STXBP5L: variants seen among roughly 807,000 people sequenced by gnomAD.
The protein encoded by STXBP5L is syntaxin-binding protein 5-like.
A neutral mutation model predicts 144.5 loss-of-function variants in STXBP5L; 65 were observed. The observed-to-expected ratio is 0.45, with a 90% confidence interval of 0.37 to 0.55. The LOEUF (loss-of-function observed/expected upper bound fraction) is 0.55, where lower values mean the gene tolerates loss of function less well. Among genes scored for constraint, STXBP5L ranks in the 20% least tolerant of loss-of-function variants. The pLI is 0.00. For synonymous variants in STXBP5L, 505 were observed against 469.6 expected, an observed-to-expected ratio of 1.08 and a Z score of -0.97; for missense variants, 1,298 against 1,405.5, an observed-to-expected ratio of 0.92 and a Z score of 1.22.
intron 2 of STXBP5L, among the ~76,000 whole-genome samples, chr3:120,946,654 C>T (rs573218732): frequency 1.3e-5 from 2 of 151,682 alleles, no homozygotes; most frequent in African/African-American, 4.8e-5. Context: ...CAGTATTAAG[C>T]CTGAACAATC....
chr3:121,193,549 A>G (rs1034927854), intron 9 of STXBP5L, among the ~76,000 whole-genome samples: 10 of 152,200 alleles, frequency 6.6e-5, no homozygotes, highest in Admixed American at 3.9e-4. Flanking sequence ...ACTACTCACA[A>G]TAGCAAAAAC....
chr3:121,312,352 G>T (rs111450193), intron 19 of STXBP5L, among the ~76,000 whole-genome samples: 2 of 116,628 alleles, frequency 1.7e-5, no homozygotes, highest in Admixed American at 9.7e-5. Flanking sequence ...TGGGATCTAA[G>T]TAAACTAAAG....
intron 2 of STXBP5L, among the ~76,000 whole-genome samples, chr3:120,927,038 C>T (rs560027011): frequency 1.1e-4 from 16 of 151,608 alleles, no homozygotes; most frequent in South Asian, 2.1e-4. Context: ...CAGGTTCAAG[C>T]GGTTCTCCTG....
At position 121,121,712 on chromosome 3, in the gene STXBP5L, T is replaced by C; in HGVS notation, c.669+8T>C. 3 of 1,577,622 alleles carry C rather than the reference T, an allele frequency of 1.9e-6. No homozygotes were observed. Among genetic ancestry groups the C allele is most frequent in the Non-Finnish European group, 2.6e-6 (3 of 1,150,934 alleles). On this transcript the variant is annotated splice_region_variant and intron_variant, in intron 7 of 26. Coordinates refer to ENST00000471454, the MANE Select transcript of STXBP5L (RefSeq NM_001308330.2). ...CCAAGAGATGAAGGCAAAGTGAGTA[T>C]TATGATATCTTTATTATTAGTTTTA... is the stretch of plus-strand genomic sequence containing the variant.
chr3:120,994,135 A>T (rs9828133), intron 3 of STXBP5L, among the ~76,000 whole-genome samples: 15,017 of 151,052 alleles, frequency 0.099, 1,166 homozygotes, highest in Admixed American at 0.2. Context: ...TTGTGTGCCA[A>T]TTTTTTTTTG....
chr3:121,026,210 A>G (rs910951055), intron 3 of STXBP5L, among the ~76,000 whole-genome samples: 42 of 151,788 alleles, frequency 2.8e-4, no homozygotes, highest in African/African-American at 9.7e-4. Flanking sequence ...ACTGTGTTCC[A>G]AGCACCATTA....
intron 9 of STXBP5L, among the ~76,000 whole-genome samples, chr3:121,184,765 TG>T (rs1265147353): frequency 2.6e-5 from 4 of 152,030 alleles, no homozygotes. Context: ...CACAATTGTC[TG>T]ATTCGCCAAG....
intron 10 of STXBP5L, among the ~76,000 whole-genome samples, chr3:121,209,868 T>C (rs903988325): frequency 1.3e-5 from 2 of 152,232 alleles, no homozygotes; most frequent in African/African-American, 2.4e-5. Flanking sequence ...GTCTTTGCTA[T>C]TGTGAATAGT....
At chr3:121,062,111 C>T (rs904739474) in intron 5 of STXBP5L, among the ~76,000 whole-genome samples, 2 of 151,912 alleles carry the variant, frequency 1.3e-5, no homozygotes, top group African/African-American at 4.8e-5. Context: ...ACCAGTTGTT[C>T]CTGTTCATGT....
chr3:121,138,040 C>A (rs1303256197), intron 7 of STXBP5L, among the ~76,000 whole-genome samples: 1 of 152,018 alleles, frequency 6.6e-6, no homozygotes, highest in African/African-American at 2.4e-5. Flanking sequence ...CCTAAATACT[C>A]CACTAAAAGG....
intron 3 of STXBP5L, among the ~76,000 whole-genome samples, chr3:120,992,147 A>T (rs569822049): frequency 2.2e-4 from 33 of 151,908 alleles, no homozygotes; most frequent in South Asian, 1.5e-3. Flanking sequence ...AAAAAAACTT[A>T]TTTATTTATT....
intron 22 of STXBP5L, among the ~76,000 whole-genome samples, chr3:121,404,933 A>G (rs1259053252): frequency 6.6e-6 from 1 of 152,110 alleles, no homozygotes; most frequent in Non-Finnish European, 1.5e-5. Context: ...TGAAACTCTA[A>G]GTTCAAGGTG....
At chr3:121,298,915 G>GTT (rs1351489899) in intron 19 of STXBP5L, among the ~76,000 whole-genome samples, 1 of 152,134 alleles carries the variant, frequency 6.6e-6, no homozygotes, top group African/African-American at 2.4e-5. Context: ...CATGTTGTGT[G>GTT]TTTTTTACCA....
chr3:121,369,776 C>T (rs1029607286), intron 20 of STXBP5L, among the ~76,000 whole-genome samples: 1 of 152,114 alleles, frequency 6.6e-6, no homozygotes, highest in Non-Finnish European at 1.5e-5. Context: ...AAAATAGTTT[C>T]ATTCATTTTG....
chr3:120,970,251 C>G (rs1940092582), intron 3 of STXBP5L, among the ~76,000 whole-genome samples: 1 of 151,974 alleles, frequency 6.6e-6, no homozygotes, highest in Non-Finnish European at 1.5e-5. Context: ...TTAGAATATT[C>G]TGAATTAGTC....
chr3:121,298,681 C>T (rs2108483894), intron 19 of STXBP5L, among the ~76,000 whole-genome samples: 1 of 152,044 alleles, frequency 6.6e-6, no homozygotes, highest in South Asian at 2.1e-4. Flanking sequence ...TATATGATTC[C>T]ACTTATATGG....
chr3:120,925,749 G>A (rs1220483981), intron 2 of STXBP5L, among the ~76,000 whole-genome samples: 1 of 152,000 alleles, frequency 6.6e-6, no homozygotes, highest in African/African-American at 2.4e-5. Context: ...TTCCTTTGTG[G>A]TTAAGTGATT....
At chr3:121,150,725 C>G (rs530232313) in intron 7 of STXBP5L, among the ~76,000 whole-genome samples, 65 of 151,912 alleles carry the variant, frequency 4.3e-4, no homozygotes, top group Non-Finnish European at 8.5e-4. Flanking sequence ...GTTATATTTT[C>G]TAAACTTTTT....
intron 22 of STXBP5L, among the ~76,000 whole-genome samples, chr3:121,392,770 C>CATAT (rs71133531): frequency 0.049 from 5,445 of 111,820 alleles, 200 homozygotes; most frequent in Non-Finnish European, 0.056. Flanking sequence ...TATTTCATGG[C>CATAT]ATATATATAT....
Sources: gnomAD v4.1 joint callset for allele counts (sites outside exome capture counted in the v4.1 genomes callset) on GRCh38, gnomAD v4.1.1 for gene constraint, MANE v1.5 for transcripts, NCBI Gene and HGNC (gene_info 2026-07-23, HGNC 2026-07-21) for gene names.